The following RASGEF1A variants were observed in gnomAD, a reference collection of about 807,000 sequenced individuals.
RASGEF1A encodes the protein ras-GEF domain-containing family member 1A.
RASGEF1A carries 18 observed loss-of-function variants against 56.4 expected under a neutral mutation model. The observed-to-expected ratio is 0.32, with a 90% CI of 0.22 to 0.47. The LOEUF (loss-of-function observed/expected upper bound fraction) is 0.47. Among genes scored for constraint, RASGEF1A ranks in the 20% least tolerant of loss-of-function variants. RASGEF1A has a pLI of 1.00. For missense variants in RASGEF1A, 422 were observed against 627.1 expected (o/e 0.67, Z 3.49); for synonymous variants, 245 against 242.6 (o/e 1.01, Z -0.09).
chr10:43,244,369 T>C (rs2505529), intron 1 of RASGEF1A, among the ~76,000 whole-genome samples: 112,575 of 149,120 alleles, frequency 0.75, 43,610 homozygotes, highest in East Asian at 0.96. Context: ...GAGAAACACC[T>C]AAGAATGATC....
In RASGEF1A at chr10:43,196,198, C is replaced by T. The variant is rs745931879; in HGVS notation, c.*46G>A. On this transcript the variant is annotated 3_prime_UTR_variant, in exon 13 of 13. Coordinates refer to ENST00000395810, the MANE Select transcript of RASGEF1A (RefSeq NM_145313.4). This position sits in a 1 kb window ranked among gnomAD's most constrained non-coding sequence, Gnocchi z 4.6. ...AACCCACATCAGTCAAAATTTAAAC[C>T]CAGTTAGTGCACGTGCTTCCTCTGG... is the stretch of plus-strand genomic sequence containing the variant. 1.3e-6 allele frequency: 2 copies of T among 1,596,874 alleles called. No homozygotes were observed. The highest frequency in any genetic ancestry group is 1.1e-5 in the South Asian group (1 of 89,328).
At position 43,224,715 on chromosome 10, in the gene RASGEF1A, T is replaced by A. The variant is rs563999873; in HGVS notation, c.-6-18593A>T. On this transcript the variant is annotated intron_variant, in intron 1 of 12. Transcript: ENST00000395810. ...TCAAGCCAAAGACAACTGCTATTAT[T>A]TAATGTTACTTTGCACCTTTTAGAA... 2.0e-5 allele frequency among the ~76,000 whole-genome samples: 3 copies of A among 152,346 alleles called. No homozygotes were observed. The East Asian group carries it at 5.8e-4, about 29-fold the overall frequency.
intron 3 of RASGEF1A, chr10:43,202,656 A>ACCCCCCCC: frequency 4.1e-5 from 8 of 197,272 alleles, no homozygotes; most frequent in Non-Finnish European, 7.5e-5. Context: ...CGGCCCCCGC[A>ACCCCCCCC]CCACCCAGCC....
At chr10:43,254,348 C>T (rs1840663943) in intron 1 of RASGEF1A, among the ~76,000 whole-genome samples, 1 of 152,218 alleles carries the variant, frequency 6.6e-6, no homozygotes, top group East Asian at 1.9e-4. Flanking sequence ...CTTGTTGCCC[C>T]CTTAGATCTG....
At chr10:43,242,256 A>C (rs1363966680) in intron 1 of RASGEF1A, among the ~76,000 whole-genome samples, 1 of 152,202 alleles carries the variant, frequency 6.6e-6, no homozygotes, top group Non-Finnish European at 1.5e-5. Flanking sequence ...TAGGACAAAA[A>C]TTGTTACTAG....
At chr10:43,209,525 C>G (rs1840037926) in intron 1 of RASGEF1A, among the ~76,000 whole-genome samples, 1 of 152,226 alleles carries the variant, frequency 6.6e-6, no homozygotes, top group Non-Finnish European at 1.5e-5. Flanking sequence ...ATCAGAGGAG[C>G]CCCTGTGTAA....
chr10:43,203,550 T>G, intron 2 of RASGEF1A, 130 bp from the exon 3 acceptor site: 1 of 1,379,046 alleles, frequency 7.3e-7, no homozygotes, highest in Non-Finnish European at 9.5e-7. Flanking sequence ...TGCCTTCACC[T>G]GCCCGGTTCC....
chr10:43,203,179 T>A, intron 3 of RASGEF1A, 119 bp downstream of exon 3: 1 of 675,912 alleles, frequency 1.5e-6, no homozygotes, highest in African/African-American at 2.6e-5. Context: ...GCCCCAACTC[T>A]AGCCCTGACC....
At chr10:43,214,383 G>A (rs893812233) in intron 1 of RASGEF1A, among the ~76,000 whole-genome samples, 1 of 152,346 alleles carries the variant, frequency 6.6e-6, no homozygotes, top group South Asian at 2.1e-4. Flanking sequence ...TGACACCACC[G>A]TGGCCTCATA....
At chr10:43,264,346 C>A (rs79252086) in intron 1 of RASGEF1A, among the ~76,000 whole-genome samples, 3 of 150,954 alleles carry the variant, frequency 2.0e-5, no homozygotes, top group African/African-American at 7.3e-5. Flanking sequence ...TCTGGACCCC[C>A]GCAGGTCAGG....
intron 10 of RASGEF1A, among the ~76,000 whole-genome samples, 186 bp from the exon 11 acceptor site, chr10:43,197,285 AG>A (rs1330191132): frequency 1.4e-4 from 21 of 152,206 alleles, no homozygotes; most frequent in Non-Finnish European, 5.9e-5. Context: ...CAGAGCCAGC[AG>A]GTGTCCCCCA....
At chr10:43,238,108 G>T (rs1404597600) in intron 1 of RASGEF1A, among the ~76,000 whole-genome samples, 7 of 148,892 alleles carry the variant, frequency 4.7e-5, no homozygotes, top group Non-Finnish European at 7.5e-5. Context: ...GAGGGAGGGG[G>T]GGTGCTGCAG....
chr10:43,242,028 C>T (rs1488457644), intron 1 of RASGEF1A, among the ~76,000 whole-genome samples: 1 of 152,190 alleles, frequency 6.6e-6, no homozygotes, highest in Admixed American at 6.5e-5. Flanking sequence ...GTCCCAGCTA[C>T]TCAGGAGGCT....
At chr10:43,234,672 A>G (rs74483470) in intron 1 of RASGEF1A, among the ~76,000 whole-genome samples, 6,629 of 152,310 alleles carry the variant, frequency 0.044, 488 homozygotes, top group African/African-American at 0.15. Flanking sequence ...ACTGGGCCAC[A>G]CCACACAGTC....
Position 43,198,792 on chromosome 10 carries a change from C to T in RASGEF1A, c.1032+141G>A. ...CCCCACTGCTGGAGGACGAACATGC[C>T]AGGCCAGCTCAGCCAGCACTGTAGG... On this transcript the variant is annotated intron_variant, in intron 9 of 12. Transcript: ENST00000395810. The T allele has an allele frequency of 6.4e-6, 5 of 782,266 alleles. No homozygotes were observed. In the South Asian group the frequency reaches 7.5e-5, roughly 12 times the overall value. 48.5% of individuals were successfully genotyped at this position (782,266 alleles called of 1,614,324 possible). A position where few individuals can be genotyped will look rare whatever the true frequency, so the allele number is the denominator to read the frequency against.
chr10:43,221,521 T>C (rs991210244), intron 1 of RASGEF1A, among the ~76,000 whole-genome samples: 7 of 152,304 alleles, frequency 4.6e-5, no homozygotes, highest in Admixed American at 2.6e-4. Flanking sequence ...CCCTGTCTGA[T>C]GTGCTACCCA....
intron 1 of RASGEF1A, among the ~76,000 whole-genome samples, chr10:43,261,677 C>T (rs1008135287): frequency 6.6e-6 from 1 of 152,226 alleles, no homozygotes; most frequent in Non-Finnish European, 1.5e-5. Flanking sequence ...TCCCCCAGCT[C>T]TGAGGGCAGA....
At chr10:43,200,147 G>A in intron 6 of RASGEF1A, 35 bp downstream of exon 6, 2 of 1,536,188 alleles carry the variant, frequency 1.3e-6, no homozygotes, top group Non-Finnish European at 1.8e-6. Flanking sequence ...GGCAGACAGG[G>A]CTGGCAGGGG....
intron 1 of RASGEF1A, chr10:43,208,853 C>T: frequency 3.0e-6 from 3 of 985,610 alleles, no homozygotes; most frequent in Non-Finnish European, 3.6e-6. Context: ...AGGTTCCCTA[C>T]ATGGCTTTTC....
Sources: gnomAD v4.1 joint callset for allele counts (sites outside exome capture counted in the v4.1 genomes callset) on GRCh38, gnomAD v4.1.1 for gene constraint, Gnocchi (gnomAD v3.1) non-coding constraint, MANE v1.5 for transcripts, NCBI Gene and HGNC (gene_info 2026-07-23, HGNC 2026-07-21) for gene names.